CACNG2: variants seen among roughly 807,000 people sequenced by gnomAD.
CACNG2 encodes voltage-dependent calcium channel gamma-2 subunit.
A neutral mutation model predicts 25.9 loss-of-function variants in CACNG2; 3 were observed. That is an observed-to-expected ratio of 0.12 (90% CI 0.05 to 0.30). CACNG2 has a LOEUF of 0.30. Ranked by LOEUF, CACNG2 falls within the 10% of genes least tolerant of loss-of-function variation. The probability of loss-of-function intolerance (pLI) is 1.00; values close to 1 mark genes in which losing one functional copy is unlikely to be tolerated. For missense variants in CACNG2, 341 were observed against 432.5 expected (o/e 0.79, Z 1.88); for synonymous variants, 167 against 173.3 (o/e 0.96, Z 0.29).
At chr22:36,598,333 C>G (rs1038099035) in intron 1 of CACNG2, among the ~76,000 whole-genome samples, 1 of 151,986 alleles carries the variant, frequency 6.6e-6, no homozygotes, top group Non-Finnish European at 1.5e-5. Context: ...CTTGACTATA[C>G]CTGGCCAGGC....
intron 1 of CACNG2, among the ~76,000 whole-genome samples, chr22:36,595,537 A>C (rs1569024118): frequency 6.6e-6 from 1 of 152,216 alleles, no homozygotes; most frequent in Admixed American, 6.5e-5. Flanking sequence ...CAGCTGGTAC[A>C]AAGACGTGAC....
At chr22:36,581,376 G>A (rs562533868) in intron 2 of CACNG2, among the ~76,000 whole-genome samples, 2 of 152,078 alleles carry the variant, frequency 1.3e-5, no homozygotes, top group African/African-American at 2.4e-5. Context: ...TCATTCATTC[G>A]TCCATCAGAT....
At chr22:36,592,723 A>C (rs2145925859) in intron 1 of CACNG2, among the ~76,000 whole-genome samples, 1 of 151,824 alleles carries the variant, frequency 6.6e-6, no homozygotes, top group East Asian at 1.9e-4. Flanking sequence ...CCATGCTTTG[A>C]CACAGGAAAC....
chr22:36,612,213 C>T (rs577396453), intron 1 of CACNG2, among the ~76,000 whole-genome samples: 2 of 152,292 alleles, frequency 1.3e-5, no homozygotes, highest in African/African-American at 4.8e-5. Flanking sequence ...GACATGTCAC[C>T]TCTTAGTGCC....
intron 1 of CACNG2, among the ~76,000 whole-genome samples, chr22:36,654,347 C>T (rs183393537): frequency 5.9e-5 from 9 of 152,138 alleles, no homozygotes; most frequent in Admixed American, 2.0e-4. Context: ...CTCACTGAAG[C>T]CTCAACTTCA....
intron 1 of CACNG2, among the ~76,000 whole-genome samples, chr22:36,680,600 A>G (rs898448996): frequency 2.7e-5 from 4 of 147,712 alleles, no homozygotes; most frequent in Non-Finnish European, 6.0e-5. Flanking sequence ...CACCTGCATC[A>G]TGGCTATAAT....
chr22:36,595,832 G>C (rs745416557), intron 1 of CACNG2, among the ~76,000 whole-genome samples: 27 of 152,250 alleles, frequency 1.8e-4, no homozygotes, highest in Non-Finnish European at 3.8e-4. Flanking sequence ...GCCAGGCTGA[G>C]TGAGTTCAGG....
intron 1 of CACNG2, among the ~76,000 whole-genome samples, chr22:36,634,825 T>C (rs1442683406): frequency 6.6e-6 from 1 of 152,236 alleles, no homozygotes; most frequent in African/African-American, 2.4e-5. Flanking sequence ...TGTGTGTATA[T>C]GTCCTAAAAT....
chr22:36,648,214 A>G (rs1355311578), intron 1 of CACNG2, among the ~76,000 whole-genome samples: 2 of 152,244 alleles, frequency 1.3e-5, no homozygotes, highest in Non-Finnish European at 2.9e-5. Context: ...GTATAAATTC[A>G]GCTCTTTATA....
intron 1 of CACNG2, among the ~76,000 whole-genome samples, chr22:36,678,738 C>A (rs1937048120): frequency 6.6e-6 from 1 of 151,916 alleles, no homozygotes. Context: ...ACCATGGTTA[C>A]CTTCTCTTCT....
chr22:36,656,628 G>A (rs1438378338), intron 1 of CACNG2, among the ~76,000 whole-genome samples: 2 of 152,094 alleles, frequency 1.3e-5, no homozygotes, highest in Non-Finnish European at 1.5e-5. Flanking sequence ...CAGCTCCCAC[G>A]ACGCTCAGAG....
At chr22:36,646,993 A>G (rs1024214345) in intron 1 of CACNG2, among the ~76,000 whole-genome samples, 1 of 152,134 alleles carries the variant, frequency 6.6e-6, no homozygotes, top group African/African-American at 2.4e-5. Context: ...AGTCACTGCC[A>G]GCTCACAGCT....
chr22:36,588,041 A>G (rs570964479), intron 1 of CACNG2, among the ~76,000 whole-genome samples: 1 of 152,348 alleles, frequency 6.6e-6, no homozygotes, highest in Admixed American at 6.5e-5. Context: ...CCCATCTGCA[A>G]TTCCGCACGG....
At position 36,643,760 on chromosome 22, in the gene CACNG2, G is replaced by A. The variant is rs893341335; in HGVS notation, c.212-56212C>T. On this transcript the variant is annotated intron_variant, in intron 1 of 3. Transcript: ENST00000300105. ...CATGAATCTTATTGTTCAAGAAGGG[G>A]CATCACCACAGTCCCTATTTCTTCT... Among the ~76,000 whole-genome samples, 4 of 152,124 alleles carry A rather than the reference G, an allele frequency of 2.6e-5. No individual in the cohort carries two copies. In the East Asian group the frequency reaches 5.8e-4, roughly 22 times the overall value.
At chr22:36,576,814 C>A (rs1435255872) in intron 2 of CACNG2, among the ~76,000 whole-genome samples, 8 of 152,114 alleles carry the variant, frequency 5.3e-5, no homozygotes, top group Non-Finnish European at 7.3e-5. Flanking sequence ...GATCATCTCA[C>A]CCTCATAGGG....
intron 2 of CACNG2, among the ~76,000 whole-genome samples, chr22:36,583,507 T>G (rs1392196300): frequency 6.6e-6 from 1 of 152,156 alleles, no homozygotes; most frequent in Non-Finnish European, 1.5e-5. Flanking sequence ...CCAAGTCCCT[T>G]AGGAGATGCT....
chr22:36,672,488 G>C (rs1432183887), intron 1 of CACNG2, among the ~76,000 whole-genome samples: 2 of 152,140 alleles, frequency 1.3e-5, no homozygotes, highest in African/African-American at 4.8e-5. Flanking sequence ...AGAGGAAACC[G>C]GGAAACCACA....
chr22:36,660,650 G>A (rs13340051), intron 1 of CACNG2, among the ~76,000 whole-genome samples: 7,843 of 152,316 alleles, frequency 0.051, 676 homozygotes, highest in African/African-American at 0.18. Context: ...TGAGGCGGGC[G>A]GGGCGGGGCA....
chr22:36,581,164 GA>G (rs1466215376), intron 2 of CACNG2, among the ~76,000 whole-genome samples: 1 of 152,206 alleles, frequency 6.6e-6, no homozygotes, highest in Non-Finnish European at 1.5e-5. Flanking sequence ...CTGGTTGGGA[GA>G]AACAGTCCAG....
Sources: gnomAD v4.1 joint callset for allele counts (sites outside exome capture counted in the v4.1 genomes callset) on GRCh38, gnomAD v4.1.1 for gene constraint, MANE v1.5 for transcripts, NCBI Gene and HGNC (gene_info 2026-07-23, HGNC 2026-07-21) for gene names.